Variants in NAV3 observed in about 807,000 individuals in gnomAD.
NAV3 encodes the protein neuron navigator 3, also known as pore membrane and/or filament interacting like protein 1.
NAV3 carries 87 observed loss-of-function variants against 244.7 expected under a neutral mutation model. That is an observed-to-expected ratio of 0.36 (90% CI 0.30 to 0.42). The LOEUF is 0.42. NAV3 is among the 20% of genes least tolerant of loss of function. NAV3 has a pLI of 1.00. For synonymous variants in NAV3, 1,126 were observed against 1,042.2 expected (o/e 1.08, Z -1.55); for missense variants, 2,663 against 2,893.3 (o/e 0.92, Z 1.83).
chr12:77,870,097 T>G (rs1880710882), intron 1 of NAV3, among the ~76,000 whole-genome samples: 1 of 152,114 alleles, frequency 6.6e-6, no homozygotes, highest in African/African-American at 2.4e-5. Flanking sequence ...CCGGGCGCGG[T>G]GGCTCACTCC....
intron 2 of NAV3, among the ~76,000 whole-genome samples, chr12:77,604,081 T>A (rs1870562122): frequency 6.6e-6 from 1 of 152,002 alleles, no homozygotes; most frequent in Non-Finnish European, 1.5e-5. Flanking sequence ...GTGAAGGACT[T>A]AAGAGTGACA....
intron 2 of NAV3, among the ~76,000 whole-genome samples, chr12:77,615,994 A>G (rs933274016): frequency 5.9e-5 from 9 of 152,162 alleles, no homozygotes; most frequent in African/African-American, 1.9e-4. Flanking sequence ...CTTTCACCCA[A>G]GCTTCACCAT....
At chr12:78,038,684 A>G (rs2137048764) in intron 9 of NAV3, among the ~76,000 whole-genome samples, 1 of 152,306 alleles carries the variant, frequency 6.6e-6, no homozygotes, top group Non-Finnish European at 1.5e-5. Flanking sequence ...TGCTTCTCAT[A>G]AAGGGCTATG....
At chr12:77,627,162 A>G (rs1317214625) in intron 2 of NAV3, among the ~76,000 whole-genome samples, 1 of 152,152 alleles carries the variant, frequency 6.6e-6, no homozygotes, top group African/African-American at 2.4e-5. Flanking sequence ...CCCTGCAAAG[A>G]TACACATTGA....
intron 2 of NAV3, among the ~76,000 whole-genome samples, chr12:77,633,209 G>A (rs1204688600): frequency 6.6e-6 from 1 of 151,994 alleles, no homozygotes; most frequent in Non-Finnish European, 1.5e-5. Flanking sequence ...ACTTAAGTTA[G>A]ATTGCAACTA....
At chr12:78,203,679 A>G (rs575131677) in intron 38 of NAV3, among the ~76,000 whole-genome samples, 5 of 152,080 alleles carry the variant, frequency 3.3e-5, no homozygotes, top group Non-Finnish European at 7.4e-5. Context: ...ACAACAAACC[A>G]AAGTATGTCA....
chr12:78,197,872 C>T (rs1437431794), intron 35 of NAV3, among the ~76,000 whole-genome samples: 1 of 151,796 alleles, frequency 6.6e-6, no homozygotes, highest in African/African-American at 2.4e-5. Flanking sequence ...TAAAAACTAA[C>T]TGGAGCCTTT....
At chr12:78,118,527 G>C (rs1394874197) in intron 14 of NAV3, among the ~76,000 whole-genome samples, 1 of 152,156 alleles carries the variant, frequency 6.6e-6, no homozygotes, top group Non-Finnish European at 1.5e-5. Context: ...CATAAACTAG[G>C]GGTACTGGAT....
At chr12:78,201,362 T>A (rs1959681308) in intron 38 of NAV3, among the ~76,000 whole-genome samples, 1 of 152,014 alleles carries the variant, frequency 6.6e-6, no homozygotes, top group South Asian at 2.1e-4. Context: ...TTTAGTATAC[T>A]TCATTGTTGG....
intron 2 of NAV3, among the ~76,000 whole-genome samples, chr12:77,752,571 A>C (rs1436257302): frequency 6.6e-6 from 1 of 152,158 alleles, no homozygotes; most frequent in East Asian, 1.9e-4. Flanking sequence ...TCACTGCTGC[A>C]ATTCTACCGA....
At position 78,043,019 on chromosome 12, in the gene NAV3, G is replaced by A. The variant is rs575559344; in HGVS notation, c.2024-6974G>A. On this transcript the variant is annotated intron_variant, in intron 9 of 39. Transcript: ENST00000397909. Reference sequence around the variant, plus strand: ...ACATAGATGTATACATGCTGTGGTCGTTTGCTGCACCCATCAACCCGTCAT... The same window carrying A: ...ACATAGATGTATACATGCTGTGGTCATTTGCTGCACCCATCAACCCGTCAT... 4.6e-5 allele frequency among the ~76,000 whole-genome samples: 7 copies of A among 152,026 alleles called. No homozygotes were observed. The South Asian group carries it at 8.3e-4, about 18-fold the overall frequency.
At chr12:77,634,959 T>G (rs1486633361) in intron 2 of NAV3, among the ~76,000 whole-genome samples, 8 of 152,170 alleles carry the variant, frequency 5.3e-5, no homozygotes, top group Non-Finnish European at 8.8e-5. Flanking sequence ...CTGGGCCTGG[T>G]GGCTCATGCC....
chr12:77,590,310 A>G (rs1196990100), intron 2 of NAV3, among the ~76,000 whole-genome samples: 1 of 152,194 alleles, frequency 6.6e-6, no homozygotes, highest in Non-Finnish European at 1.5e-5. Context: ...CAAAAGTCCG[A>G]TAAAGTGAGA....
intron 1 of NAV3, among the ~76,000 whole-genome samples, chr12:77,896,476 A>AGT (rs1329751365): frequency 6.6e-6 from 1 of 152,208 alleles, no homozygotes; most frequent in Non-Finnish European, 1.5e-5. Context: ...AAATTTAAAG[A>AGT]GTATTGGCAG....
At chr12:78,131,596 T>C (rs922983434) in intron 18 of NAV3, among the ~76,000 whole-genome samples, 8 of 152,182 alleles carry the variant, frequency 5.3e-5, no homozygotes, top group African/African-American at 1.9e-4. Context: ...GTTAATTTGA[T>C]TAGTTGACTC....
intron 20 of NAV3, among the ~76,000 whole-genome samples, chr12:78,144,576 T>C (rs1956770963): frequency 6.6e-6 from 1 of 151,588 alleles, no homozygotes; most frequent in Non-Finnish European, 1.5e-5. Context: ...TTTTGAAAAA[T>C]TGGTAGTGAA....
At chr12:77,966,370 G>C in intron 4 of NAV3, 69 bp downstream of exon 4, 1 of 1,315,332 alleles carries the variant, frequency 7.6e-7, no homozygotes, top group Non-Finnish European at 1.1e-6. Context: ...TATAATGTAA[G>C]AAATGTAACA....
At chr12:77,795,004 C>T (rs747977912) in intron 2 of NAV3, among the ~76,000 whole-genome samples, 6 of 152,002 alleles carry the variant, frequency 3.9e-5, no homozygotes, top group South Asian at 2.1e-4. Flanking sequence ...AGTGTTCAAG[C>T]GAGAGGACAA....
At chr12:77,616,155 C>G (rs1038293610) in intron 2 of NAV3, among the ~76,000 whole-genome samples, 1 of 152,092 alleles carries the variant, frequency 6.6e-6, no homozygotes, top group African/African-American at 2.4e-5. Flanking sequence ...CTCCTGTAAT[C>G]CCAGCACTTT....
Sources: allele counts gnomAD v4.1 joint callset (sites outside exome capture counted in the v4.1 genomes callset), GRCh38; gene constraint gnomAD v4.1.1; transcripts MANE v1.5; gene names NCBI Gene and HGNC (gene_info 2026-07-23, HGNC 2026-07-21).